Variants in FBXO4 observed in about 807,000 individuals in gnomAD.
FBXO4 encodes the protein F-box protein 4.
In FBXO4, 36 loss-of-function variants were observed where a neutral mutation model predicts 43.7. The ratio of observed to expected loss-of-function variants is 0.82; its 90% CI spans 0.63 to 1.09. The LOEUF is 1.09. Among genes scored for constraint, FBXO4 ranks in the 50% least tolerant of loss-of-function variants. The pLI, the probability that FBXO4 is intolerant of heterozygous loss-of-function variation, is 0.00. For synonymous variants in FBXO4, 180 were observed against 165.6 expected (o/e 1.09, Z -0.67); for missense variants, 435 against 474.1 (o/e 0.92, Z 0.77).
the FBXO4 span, among the ~76,000 whole-genome samples, chr5:42,028,567 T>G: frequency 6.6e-6 from 1 of 151,754 alleles, no homozygotes; most frequent in African/African-American, 2.4e-5. Context: ...GCCATTTTGC[T>G]ATGTGTTTTC....
chr5:41,994,798 T>C, the FBXO4 span, among the ~76,000 whole-genome samples: 1 of 152,128 alleles, frequency 6.6e-6, no homozygotes, highest in Non-Finnish European at 1.5e-5. Flanking sequence ...GGTGGCAGCA[T>C]TCCTCCCTCT....
At chr5:41,964,449 A>T in the FBXO4 span, among the ~76,000 whole-genome samples, 12,085 of 152,158 alleles carry the variant, frequency 0.079, 690 homozygotes, top group African/African-American at 0.16. Flanking sequence ...TCTGATTAAA[A>T]TCAATATTAA....
At chr5:41,952,308 G>T in the FBXO4 span, 7 of 152,164 alleles carry the variant, frequency 4.6e-5, no homozygotes, top group East Asian at 1.3e-3. Flanking sequence ...ATTTAATAAA[G>T]ATAGGAGAAT....
At chr5:41,968,067 A>G in the FBXO4 span, 2 of 365,624 alleles carry the variant, frequency 5.5e-6, no homozygotes, top group African/African-American at 2.1e-5. Flanking sequence ...GTTTCCTGAC[A>G]ACAGCTTCAT....
the FBXO4 span, among the ~76,000 whole-genome samples, chr5:42,027,310 T>A: frequency 7.4e-6 from 1 of 136,038 alleles, no homozygotes; most frequent in Non-Finnish European, 1.5e-5. Context: ...CCATTTCTTC[T>A]AGATTTCCCA....
the FBXO4 span, among the ~76,000 whole-genome samples, chr5:42,034,976 T>A: frequency 6.6e-6 from 1 of 152,146 alleles, no homozygotes; most frequent in Non-Finnish European, 1.5e-5. Context: ...TTTCTTGATA[T>A]TTATTCTAAA....
At chr5:42,030,638 A>G in the FBXO4 span, among the ~76,000 whole-genome samples, 1 of 151,778 alleles carries the variant, frequency 6.6e-6, no homozygotes, top group Non-Finnish European at 1.5e-5. Context: ...GCTTCTGCAC[A>G]GCAAAAGAAA....
the FBXO4 span, among the ~76,000 whole-genome samples, chr5:42,002,056 TTGA>T: frequency 2.0e-5 from 3 of 152,204 alleles, no homozygotes; most frequent in African/African-American, 4.8e-5. Context: ...AATGTGTATG[TTGA>T]TTTTGTATCC....
At chr5:42,020,744 AC>A in the FBXO4 span, among the ~76,000 whole-genome samples, 1 of 152,190 alleles carries the variant, frequency 6.6e-6, no homozygotes, top group East Asian at 1.9e-4. Flanking sequence ...ATGGGCCAGA[AC>A]CGGCAGTATG....
At chr5:42,021,185 CGGA>C in the FBXO4 span, among the ~76,000 whole-genome samples, 2 of 152,042 alleles carry the variant, frequency 1.3e-5, no homozygotes, top group African/African-American at 4.8e-5. Flanking sequence ...AGATTAAAAT[CGGA>C]TAAGAGTTGA....
the FBXO4 span, among the ~76,000 whole-genome samples, chr5:42,015,589 G>A: frequency 0.11 from 16,661 of 152,064 alleles, 1,444 homozygotes; most frequent in African/African-American, 0.24. Flanking sequence ...ATGTGCTAAT[G>A]TGACACCCTC....
the FBXO4 span, among the ~76,000 whole-genome samples, chr5:41,974,540 A>G: frequency 6.6e-6 from 1 of 152,148 alleles, no homozygotes; most frequent in Non-Finnish European, 1.5e-5. Context: ...TTGTAAGTCT[A>G]CTAATGACTC....
chr5:41,983,700 G>A, the FBXO4 span, among the ~76,000 whole-genome samples: 16 of 152,000 alleles, frequency 1.1e-4, no homozygotes, highest in East Asian at 1.9e-4. Context: ...TTAAGCCATT[G>A]CAATTGCTAT....
At chr5:41,941,895 A>G (rs1159731304), downstream of FBXO4, among the ~76,000 whole-genome samples, 2 of 152,160 alleles carry the variant, frequency 1.3e-5, no homozygotes, top group East Asian at 1.9e-4. Flanking sequence ...TCGCAAGCTC[A>G]TAAGATACTA....
chr5:41,991,316 C>A, the FBXO4 span, among the ~76,000 whole-genome samples: 2 of 152,214 alleles, frequency 1.3e-5, no homozygotes, highest in Non-Finnish European at 2.9e-5. Context: ...CAATTATGTT[C>A]TCCCAATTTC....
the FBXO4 span, chr5:41,968,118 A>C: frequency 3.1e-6 from 1 of 327,528 alleles, no homozygotes; most frequent in Non-Finnish European, 6.3e-6. Flanking sequence ...CCACTGCTTC[A>C]TCCAAAGCTG....
At chr5:41,934,442 A>G (rs1751795674) in intron 5 of FBXO4, 134 bp downstream of exon 5, 1 of 1,496,362 alleles carries the variant, frequency 6.7e-7, no homozygotes, top group Admixed American at 2.1e-5. Flanking sequence ...GACCCTTACT[A>G]TTAATAGTGT....
intron 6 of FBXO4, among the ~76,000 whole-genome samples, chr5:41,940,182 T>G (rs1003102654): frequency 6.6e-6 from 1 of 151,902 alleles, no homozygotes; most frequent in African/African-American, 2.4e-5. Context: ...CACTATTATG[T>G]TTTTTATAAT....
the FBXO4 span, among the ~76,000 whole-genome samples, chr5:41,959,859 A>G: frequency 1.3e-5 from 2 of 152,060 alleles, no homozygotes; most frequent in African/African-American, 4.8e-5. Flanking sequence ...TTGTGGTTTC[A>G]TATAAATTTT....
Sources: allele counts gnomAD v4.1 joint callset (sites outside exome capture counted in the v4.1 genomes callset), GRCh38; gene constraint gnomAD v4.1.1; transcripts MANE v1.5; gene names NCBI Gene and HGNC (gene_info 2026-07-23, HGNC 2026-07-21).